PHACTR1: variants seen among roughly 807,000 people sequenced by gnomAD.
The protein encoded by PHACTR1 is phosphatase and actin regulator 1.
PHACTR1 carries 16 observed loss-of-function variants against 69.2 expected under a neutral mutation model. That is an observed-to-expected ratio of 0.23 (90% CI 0.16 to 0.35). PHACTR1 has a LOEUF of 0.35. Ranked by LOEUF, PHACTR1 falls within the 10% of genes least tolerant of loss-of-function variation. The probability of loss-of-function intolerance (pLI) is 1.00; values close to 1 mark genes in which losing one functional copy is unlikely to be tolerated. For missense variants in PHACTR1, 510 were observed against 734.7 expected (o/e 0.69, Z 3.54); for synonymous variants, 312 against 284.5 (o/e 1.10, Z -0.97).
intron 4 of PHACTR1, among the ~76,000 whole-genome samples, chr6:12,888,614 T>C (rs2127465256): frequency 6.6e-6 from 1 of 152,332 alleles, no homozygotes; most frequent in Admixed American, 6.5e-5. Context: ...ATTTTCTAAA[T>C]AAAATATGTG....
chr6:13,038,361 G>A (rs1803645717), intron 4 of PHACTR1, among the ~76,000 whole-genome samples: 1 of 151,906 alleles, frequency 6.6e-6, no homozygotes, highest in Non-Finnish European at 1.5e-5. Flanking sequence ...GGTCTAGGGA[G>A]AACTGAACCA....
At chr6:13,028,978 G>T (rs180948151) in intron 4 of PHACTR1, among the ~76,000 whole-genome samples, 2 of 152,078 alleles carry the variant, frequency 1.3e-5, no homozygotes, top group Non-Finnish European at 2.9e-5. Flanking sequence ...AAGGAAGGAA[G>T]AGTAGGTGTA....
intron 10 of PHACTR1, among the ~76,000 whole-genome samples, chr6:13,256,566 T>C (rs1343680190): frequency 6.6e-6 from 1 of 152,222 alleles, no homozygotes; most frequent in Non-Finnish European, 1.5e-5. Context: ...TCAGCATATA[T>C]CATTAGAAGC....
chr6:12,968,181 G>A (rs545539554), intron 4 of PHACTR1, among the ~76,000 whole-genome samples: 2 of 152,200 alleles, frequency 1.3e-5, no homozygotes, highest in African/African-American at 4.8e-5. Context: ...TCGCATGCCC[G>A]CTTCCCCCCA....
At chr6:12,856,358 A>T (rs1780367178) in intron 4 of PHACTR1, among the ~76,000 whole-genome samples, 1 of 148,674 alleles carries the variant, frequency 6.7e-6, no homozygotes, top group Admixed American at 6.8e-5. Flanking sequence ...GGCTCAAGTG[A>T]TTCTCCTGCC....
chr6:13,034,928 G>C (rs959419719), intron 4 of PHACTR1, among the ~76,000 whole-genome samples: 1 of 152,150 alleles, frequency 6.6e-6, no homozygotes, highest in Non-Finnish European at 1.5e-5. Flanking sequence ...ATCAAATGCT[G>C]TTAGAAGACC....
chr6:12,999,683 T>G (rs1255706846), intron 4 of PHACTR1, among the ~76,000 whole-genome samples: 5 of 152,202 alleles, frequency 3.3e-5, no homozygotes, highest in Non-Finnish European at 7.3e-5. Flanking sequence ...AGTATGGACA[T>G]TGGAAGCCTA....
chr6:13,103,416 T>C (rs374639011), intron 5 of PHACTR1, among the ~76,000 whole-genome samples: 1 of 152,348 alleles, frequency 6.6e-6, no homozygotes, highest in East Asian at 1.9e-4. Flanking sequence ...CTTTCTGTAG[T>C]GTTTGCATGG....
At chr6:12,862,544 C>A (rs1016553045) in intron 4 of PHACTR1, among the ~76,000 whole-genome samples, 1 of 152,096 alleles carries the variant, frequency 6.6e-6, no homozygotes, top group Admixed American at 6.6e-5. Flanking sequence ...CCCTTACAAG[C>A]CCGAGACAAG....
chr6:13,127,897 A>G (rs1819785080), intron 5 of PHACTR1, among the ~76,000 whole-genome samples: 1 of 152,070 alleles, frequency 6.6e-6, no homozygotes, highest in South Asian at 2.1e-4. Context: ...GTAATTTATA[A>G]AGGAAAGAAG....
chr6:12,945,442 TG>T (rs1364879283), intron 4 of PHACTR1, among the ~76,000 whole-genome samples: 3 of 152,264 alleles, frequency 2.0e-5, no homozygotes, highest in Admixed American at 1.3e-4. Context: ...CATTCTCCAG[TG>T]CCTGGCATGG....
chr6:12,958,859 T>G (rs1349872172), intron 4 of PHACTR1, among the ~76,000 whole-genome samples: 1 of 152,076 alleles, frequency 6.6e-6, no homozygotes, highest in African/African-American at 2.4e-5. Context: ...ATTATATGAG[T>G]TGAATGTATC....
intron 4 of PHACTR1, among the ~76,000 whole-genome samples, chr6:13,011,636 T>A (rs1799461535): frequency 6.6e-6 from 1 of 152,238 alleles, no homozygotes; most frequent in Non-Finnish European, 1.5e-5. Context: ...TCAGTCTTAG[T>A]TGCTTTAATG....
intron 4 of PHACTR1, among the ~76,000 whole-genome samples, chr6:12,790,650 A>C (rs189217765): frequency 6.6e-6 from 1 of 152,336 alleles, no homozygotes; most frequent in Admixed American, 6.5e-5. Context: ...AGAGAGACTG[A>C]TCATGGCCAA....
intron 4 of PHACTR1, among the ~76,000 whole-genome samples, chr6:13,014,068 T>C (rs927846612): frequency 6.6e-6 from 1 of 152,084 alleles, no homozygotes; most frequent in African/African-American, 2.4e-5. Flanking sequence ...TCCTTTGTGA[T>C]CCACTGTCAA....
chr6:13,112,464 A>G (rs1006990139), intron 5 of PHACTR1, among the ~76,000 whole-genome samples: 3 of 152,180 alleles, frequency 2.0e-5, no homozygotes, highest in Admixed American at 1.3e-4. Context: ...GTCTCCCACA[A>G]TGGTTGAACT....
intron 7 of PHACTR1, among the ~76,000 whole-genome samples, chr6:13,198,915 T>A (rs1260138167): frequency 6.6e-6 from 1 of 152,202 alleles, no homozygotes; most frequent in Non-Finnish European, 1.5e-5. Context: ...CTTTGCCTGA[T>A]GAGAACTTGC....
intron 9 of PHACTR1, 138 bp downstream of exon 9, chr6:13,228,201 C>A: frequency 9.4e-7 from 1 of 1,067,868 alleles, no homozygotes; most frequent in Non-Finnish European, 1.3e-6. Context: ...CGTAGGGCAG[C>A]TTAGTCTACC....
intron 4 of PHACTR1, among the ~76,000 whole-genome samples, chr6:12,935,958 C>T (rs1003706927): frequency 2.6e-5 from 4 of 151,774 alleles, no homozygotes; most frequent in African/African-American, 9.7e-5. Flanking sequence ...TTGTCTGAAA[C>T]CTAATGTTCT....
Sources: gnomAD v4.1 joint callset for allele counts (sites outside exome capture counted in the v4.1 genomes callset) on GRCh38, gnomAD v4.1.1 for gene constraint, MANE v1.5 for transcripts, NCBI Gene and HGNC (gene_info 2026-07-23, HGNC 2026-07-21) for gene names.